AMOTL1: variants seen among roughly 807,000 people sequenced by gnomAD.
The protein encoded by AMOTL1 is angiomotin-like protein 1.
AMOTL1 carries 45 observed loss-of-function variants against 102.9 expected under a neutral mutation model. That is an observed-to-expected ratio of 0.44 (90% CI 0.34 to 0.56). AMOTL1 has a LOEUF of 0.56. Ranked by LOEUF, AMOTL1 falls within the 20% of genes least tolerant of loss-of-function variation. AMOTL1 has a pLI of 0.01. For missense variants in AMOTL1, 1,114 were observed against 1,225.6 expected, an observed-to-expected ratio of 0.91 and a Z score of 1.36; for synonymous variants, 481 against 484.7, an observed-to-expected ratio of 0.99 and a Z score of 0.10.
rs368763439 is a variant in AMOTL1 at position 94,768,481 on chromosome 11, G to T, written c.-31G>T. Reference sequence around the variant, plus strand: ...CGCTGCCCGGCAGCCGTCTTCCCCAGCCGAGGGACTGAACTAGCCATGATC... The same window carrying T: ...CGCTGCCCGGCAGCCGTCTTCCCCATCCGAGGGACTGAACTAGCCATGATC... On this transcript the variant is annotated 5_prime_UTR_variant, in exon 1 of 13. Coordinates refer to ENST00000433060, the MANE Select transcript of AMOTL1 (RefSeq NM_130847.3). 49 of 1,581,082 alleles carry T rather than the reference G, an allele frequency of 3.1e-5. No homozygotes were observed. Among genetic ancestry groups the T allele is most frequent in the Non-Finnish European group, 4.1e-5 (48 of 1,164,874 alleles).
rs1952985589 is a variant in AMOTL1, at chr11:94,871,017, G to A, written c.*222G>A. The A allele has an allele frequency of 6.8e-6, 3 of 439,212 alleles. No homozygotes were observed. The highest frequency in any genetic ancestry group is 8.1e-6 in the Non-Finnish European group (2 of 247,514). The allele number at this position is 439,212 out of a possible 1,614,324, so 27.2% of individuals were successfully genotyped here. On this transcript the variant is annotated 3_prime_UTR_variant, in exon 13 of 13. Coordinates refer to ENST00000433060, the MANE Select transcript of AMOTL1 (RefSeq NM_130847.3). ...ATTTTATTACACATGGTGGAAGAGA[G>A]AAGAGGCGTGTAGGTTTGCAAACAA...
chr11:94,791,106 A>G (rs796536098), intron 1 of AMOTL1, among the ~76,000 whole-genome samples: 23 of 152,380 alleles, frequency 1.5e-4, no homozygotes, highest in African/African-American at 5.3e-4. Flanking sequence ...TCAGTGCTTC[A>G]GAAAAGCAAG....
At chr11:94,774,116 G>A (rs533085897) in intron 1 of AMOTL1, among the ~76,000 whole-genome samples, 1 of 152,334 alleles carries the variant, frequency 6.6e-6, no homozygotes, top group South Asian at 2.1e-4. Context: ...TACTAAAACA[G>A]CAGAGAAGCA....
intron 4 of AMOTL1, among the ~76,000 whole-genome samples, chr11:94,829,501 G>A (rs1204266530): frequency 2.6e-5 from 4 of 152,054 alleles, no homozygotes; most frequent in Non-Finnish European, 2.9e-5. Context: ...GATTACAGAC[G>A]TGAGCCACTG....
At position 94,859,607 on chromosome 11, in the gene AMOTL1, G is replaced by A. The variant is rs770787342; in HGVS notation, c.2027G>A (p.Arg676Gln). 6.2e-6 allele frequency: 10 copies of A among 1,613,790 alleles called. No homozygotes were observed. The highest frequency in any genetic ancestry group is 4.0e-5 in the African/African-American group (3 of 74,908). The part of the protein sequence containing the change: ...LLELVREKEE[R>Q]ILALEADMTK... ...GAACTTGTGCGGGAGAAGGAGGAGC[G>A]GATCCTGGCCCTGGAGGCCGACATG... Residue 676 changes from arginine (R) to glutamine (Q), a missense_variant, in exon 9 of 13, where the codon CGG (arginine) becomes CAG (glutamine). Arg to Gln is a conservative substitution (Grantham distance 43). Transcript: ENST00000433060.
chr11:94,737,895 T>C (rs573319530), intron 2 of AMOTL1, among the ~76,000 whole-genome samples: 1 of 152,216 alleles, frequency 6.6e-6, no homozygotes, highest in African/African-American at 2.4e-5. Flanking sequence ...GTGCTATCAG[T>C]GTAGACAATT....
intron 3 of AMOTL1, among the ~76,000 whole-genome samples, chr11:94,744,368 G>A (rs1384152721): frequency 6.6e-6 from 1 of 152,214 alleles, no homozygotes; most frequent in Non-Finnish European, 1.5e-5. Flanking sequence ...AAGCACAGGA[G>A]CTTCTGTCCT....
rs771617919 is a variant in AMOTL1 at position 94,869,424 on chromosome 11, C to T, written c.2715C>T (p.His905=). 72 of 1,604,416 alleles carry T rather than the reference C, an allele frequency of 4.5e-5. No individual in the cohort carries two copies. Among genetic ancestry groups the T allele is most frequent in the Non-Finnish European group, 6.0e-5 (70 of 1,175,896 alleles). ...SRGRLSTTPA[H]SPVLKHPAAK... is the part of the protein sequence containing the mutation. ...GCCGGCTGAGCACGACCCCTGCTCA[C>T]AGCCCCGTCCTGAAACACCCAGCGG... The change falls in exon 12 of 13, where the codon CAC becomes CAT. Residue 905 remains histidine (H), a synonymous_variant. Coordinates refer to ENST00000433060, the MANE Select transcript of AMOTL1 (RefSeq NM_130847.3).
Position 94,872,295 on chromosome 11 carries a change from GA to G in AMOTL1, c.*1501del. Reference sequence around the variant, plus strand: ...AGGAGAAGCTCATCGGGCCATCAGAGAGATGCTCCTACAGGGTCCTGATGTT... The same window carrying G: ...AGGAGAAGCTCATCGGGCCATCAGAGGATGCTCCTACAGGGTCCTGATGTT... On this transcript the variant is annotated 3_prime_UTR_variant, in exon 13 of 13. Transcript: ENST00000433060. The G allele has an allele frequency of 6.6e-6, 1 of 152,284 alleles. No individual in the cohort carries two copies. Among genetic ancestry groups the G allele is most frequent in the Non-Finnish European group, 1.5e-5 (1 of 68,044 alleles). 9.4% of individuals were successfully genotyped at this position (152,284 alleles called of 1,614,324 possible). A position where few individuals can be genotyped will look rare whatever the true frequency, so the allele number is the denominator to read the frequency against.
chr11:94,807,781 G>A (rs564803509), intron 3 of AMOTL1, among the ~76,000 whole-genome samples: 128 of 151,324 alleles, frequency 8.5e-4, no homozygotes, highest in Admixed American at 1.6e-3. Flanking sequence ...GCTCTTCAGA[G>A]GACTGACTCA....
chr11:94,849,780 T>A (rs1952492327), intron 6 of AMOTL1, among the ~76,000 whole-genome samples: 1 of 152,126 alleles, frequency 6.6e-6, no homozygotes, highest in East Asian at 1.9e-4. Flanking sequence ...AAGCAGGGAA[T>A]GTTGTAAGCA....
intron 3 of AMOTL1, among the ~76,000 whole-genome samples, chr11:94,821,115 G>A (rs558072990): frequency 1.1e-4 from 17 of 152,128 alleles, no homozygotes; most frequent in Non-Finnish European, 1.8e-4. Flanking sequence ...GTCTGTCAGT[G>A]TGACTTCAGC....
chr11:94,868,420 GACACCTCTGCACACC>G (rs1952925932), intron 11 of AMOTL1, among the ~76,000 whole-genome samples: 1 of 152,102 alleles, frequency 6.6e-6, no homozygotes, highest in Admixed American at 6.6e-5. Flanking sequence ...GAGGAAAATG[GACACCTCTGCACACC>G]ACGCCTCCCA....
chr11:94,869,250 AC>A lies in AMOTL1; in HGVS notation c.2546del (p.Pro849HisfsTer9). 1 of 1,612,088 alleles carries A rather than the reference AC, an allele frequency of 6.2e-7. No individual in the cohort carries two copies. On this transcript the variant is annotated frameshift_variant, in exon 12 of 13. Coordinates refer to ENST00000433060, the MANE Select transcript of AMOTL1 (RefSeq NM_130847.3). LOFTEE classifies it high-confidence loss of function. ...HEHASAPLLP[P>X]PPTSALSSIA... ...AGCATGCCTCTGCCCCACTGCTGCC[AC>A]CCCCACCCACCTCAGCACTGTCCTC...
intron 2 of AMOTL1, among the ~76,000 whole-genome samples, chr11:94,798,410 G>C (rs1951407759): frequency 6.6e-6 from 1 of 152,186 alleles, no homozygotes; most frequent in Non-Finnish European, 1.5e-5. Flanking sequence ...TGGCTGTCTG[G>C]ATGTTGGGGT....
At chr11:94,721,530 C>A (rs1028036303) in intron 1 of AMOTL1, among the ~76,000 whole-genome samples, 2 of 152,090 alleles carry the variant, frequency 1.3e-5, no homozygotes, top group Non-Finnish European at 2.9e-5. Flanking sequence ...GGTAGGCCCC[C>A]ATGATGGAAT....
intron 6 of AMOTL1, among the ~76,000 whole-genome samples, chr11:94,848,736 G>A (rs1304009267): frequency 6.6e-6 from 1 of 152,156 alleles, no homozygotes; most frequent in African/African-American, 2.4e-5. Flanking sequence ...TGGCTCTAAA[G>A]TTGTGAGTTT....
At chr11:94,835,689 A>G (rs1952165382) in intron 6 of AMOTL1, among the ~76,000 whole-genome samples, 1 of 152,224 alleles carries the variant, frequency 6.6e-6, no homozygotes, top group South Asian at 2.1e-4. Flanking sequence ...AAGGTTGCAC[A>G]AGAGCCTATC....
intron 7 of AMOTL1, 47 bp downstream of exon 7, chr11:94,850,306 C>G: frequency 6.5e-7 from 1 of 1,528,958 alleles, no homozygotes. Context: ...GCAAGCAGAG[C>G]CCAGAGGGCT....
Sources: gnomAD v4.1 joint callset for allele counts (sites outside exome capture counted in the v4.1 genomes callset) on GRCh38, gnomAD v4.1.1 for gene constraint, MANE v1.5 for transcripts, NCBI Gene and HGNC (gene_info 2026-07-23, HGNC 2026-07-21) for gene names.